The following CAPRIN2 variants were observed in gnomAD, a reference collection of about 807,000 sequenced individuals.
CAPRIN2 encodes caprin-2.
A neutral mutation model predicts 130.4 loss-of-function variants in CAPRIN2; 66 were observed. The observed-to-expected ratio is 0.51, with a 90% confidence interval of 0.42 to 0.62. The LOEUF (loss-of-function observed/expected upper bound fraction) is 0.62. Among genes scored for constraint, CAPRIN2 ranks in the 20% least tolerant of loss-of-function variants. The pLI is 0.00. For missense variants in CAPRIN2, 1,185 were observed against 1,246.6 expected (o/e 0.95, Z 0.74); for synonymous variants, 471 against 444.1 (o/e 1.06, Z -0.76).
At position 30,711,559 on chromosome 12, in the gene CAPRIN2, C is replaced by T. The variant is rs1483803959; in HGVS notation, c.2665+7G>A. On this transcript the variant is annotated splice_region_variant and intron_variant, in intron 16 of 16. Coordinates refer to ENST00000298892, the Ensembl canonical transcript of CAPRIN2. ...GGTAAGAAAACTATTCAGCTAATTA[C>T]CCTTACCTCTCGAATTTGCTCGTGG... 1.2e-6 allele frequency: 2 copies of T among 1,608,498 alleles called. No homozygotes were observed. Among genetic ancestry groups the T allele is most frequent in the Non-Finnish European group, 1.7e-6 (2 of 1,174,860 alleles).
At chr12:30,751,110 A>T (rs960734816) in exon 2 of CAPRIN2, 1 of 1,613,756 alleles carries the variant, frequency 6.2e-7, no homozygotes, top group Non-Finnish European at 8.5e-7. Context: ...TTTTCAGGCG[A>T]TCCTTATAAT....
At chr12:30,752,674 A>G (rs1333955029) in intron 1 of CAPRIN2, among the ~76,000 whole-genome samples, 1 of 152,166 alleles carries the variant, frequency 6.6e-6, no homozygotes, top group East Asian at 1.9e-4. Flanking sequence ...GCACAAAAGT[A>G]CTTAACAACA....
Position 30,719,448 on chromosome 12 carries a change from CAAT to C in CAPRIN2, c.2148+1360_2148+1362del, listed in dbSNP as rs2058693318. 14 of 519,952 alleles carry C rather than the reference CAAT, an allele frequency of 2.7e-5. No individual in the cohort carries two copies. The South Asian group carries it at 3.6e-4, about 13-fold the overall frequency. The allele number at this position is 519,952 out of a possible 1,614,324, so 32.2% of individuals were successfully genotyped here. The stretch of plus-strand genomic sequence containing the variant: ...TGCTGACTAAGTGAAAGAGTCTTAC[CAAT>C]AATCAGTCTAACAGATGAGGGGCTG... On this transcript the variant is annotated intron_variant, in intron 12 of 16. Transcript: ENST00000298892.
At chr12:30,718,060 T>C (rs755775831) in intron 12 of CAPRIN2, among the ~76,000 whole-genome samples, 1 of 152,154 alleles carries the variant, frequency 6.6e-6, no homozygotes, top group African/African-American at 2.4e-5. Context: ...AGAAAACAGA[T>C]TGGCATGAGC....
exon 8 of CAPRIN2, chr12:30,729,115 A>G: frequency 6.2e-7 from 1 of 1,614,014 alleles, no homozygotes; most frequent in Non-Finnish European, 8.5e-7. Context: ...CTCTGTTCTA[A>G]GGAAACTGCA....
At chr12:30,749,392 C>G (rs755703006) in intron 2 of CAPRIN2, among the ~76,000 whole-genome samples, 1 of 152,162 alleles carries the variant, frequency 6.6e-6, no homozygotes, top group Non-Finnish European at 1.5e-5. Flanking sequence ...AGTACAGGAT[C>G]ACTGAGTTTA....
At chr12:30,749,572 G>A (rs1286573983) in intron 2 of CAPRIN2, among the ~76,000 whole-genome samples, 1 of 152,210 alleles carries the variant, frequency 6.6e-6, no homozygotes, top group Non-Finnish European at 1.5e-5. Flanking sequence ...ACTTGCTGAT[G>A]AGCTAGATGT....
intron 2 of CAPRIN2, among the ~76,000 whole-genome samples, chr12:30,741,668 T>C (rs545139164): frequency 5.9e-5 from 9 of 152,226 alleles, no homozygotes; most frequent in South Asian, 2.1e-4. Flanking sequence ...GGGCATTTCA[T>C]GGGACTTTAA....
In CAPRIN2 at chr12:30,730,355, C is replaced by A. The variant is rs779176236; in HGVS notation, c.1061-73G>T. On this transcript the variant is annotated intron_variant, in intron 6 of 16. Coordinates refer to ENST00000298892, the Ensembl canonical transcript of CAPRIN2. ...TTTTAGACAGATTACAACTATAATT[C>A]ATTCTAGCAACATATTTCAGAAGAC... The A allele has an allele frequency of 4.9e-6, 5 of 1,026,292 alleles. No individual in the cohort carries two copies. The Admixed American group carries it at 5.4e-5, about 11-fold the overall frequency. The allele number at this position is 1,026,292 out of a possible 1,614,324, so 63.6% of individuals were successfully genotyped here.
At chr12:30,751,271 G>C in intron 1 of CAPRIN2, 138 bp from the exon 3 acceptor site, 2 of 681,060 alleles carry the variant, frequency 2.9e-6, no homozygotes, top group South Asian at 3.3e-5. Flanking sequence ...TTTACTATAC[G>C]GCATGCAGCA....
At chr12:30,726,998 A>G (rs548353382) in intron 8 of CAPRIN2, among the ~76,000 whole-genome samples, 89 of 152,282 alleles carry the variant, frequency 5.8e-4, no homozygotes, top group African/African-American at 2.1e-3. Flanking sequence ...TACAACTTCA[A>G]TATAACGCTA....
At position 30,733,714 on chromosome 12, in the gene CAPRIN2, G is replaced by T; in HGVS notation, c.810-3C>A. On this transcript the variant is annotated splice_region_variant and splice_polypyrimidine_tract_variant and intron_variant, in intron 4 of 16. Transcript: ENST00000298892. ...ACTGCTCCATCTGGTCTTCAACACT[G>T]ACAAGGAAAAGCAGCAGCAGAACAA... 1 of 1,611,446 alleles carries T rather than the reference G, an allele frequency of 6.2e-7. No homozygotes were observed. The highest frequency in any genetic ancestry group is 8.5e-7 in the Non-Finnish European group (1 of 1,177,680).
chr12:30,709,610 GCAGT>G (rs2053661583), exon 17 of CAPRIN2: 1 of 246,222 alleles, frequency 4.1e-6, no homozygotes, highest in Non-Finnish European at 7.9e-6. Flanking sequence ...TGGACTTGAG[GCAGT>G]CAGTTTAGTA....
chr12:30,730,403 T>A, intron 6 of CAPRIN2, 121 bp from the exon 8 acceptor site: 1 of 702,408 alleles, frequency 1.4e-6, no homozygotes, highest in Non-Finnish European at 2.5e-6. Context: ...AAGGGTAATA[T>A]AATCAAGTAT....
intron 4 of CAPRIN2, 23 bp from the exon 6 acceptor site, chr12:30,733,734 G>C: frequency 6.4e-7 from 1 of 1,562,932 alleles, no homozygotes; most frequent in Non-Finnish European, 8.8e-7. Flanking sequence ...AGCAGCAGCA[G>C]AACAAAGTGG....
intron 12 of CAPRIN2, chr12:30,719,435 GA>G (rs1210924761): frequency 1.8e-6 from 1 of 548,916 alleles, no homozygotes; most frequent in Non-Finnish European, 3.2e-6. Context: ...CTGACTAAGT[GA>G]AAGAGTCTTA....
At chr12:30,713,876 G>T (rs762311660) in exon 15 of CAPRIN2, 1 of 1,584,516 alleles carries the variant, frequency 6.3e-7, no homozygotes, top group Non-Finnish European at 8.7e-7. Flanking sequence ...TCCTCTATAA[G>T]TATCAAAACC....
intron 4 of CAPRIN2, among the ~76,000 whole-genome samples, chr12:30,734,178 C>T (rs905984214): frequency 2.0e-5 from 3 of 152,180 alleles, no homozygotes; most frequent in African/African-American, 4.8e-5. Flanking sequence ...TAGATGATGA[C>T]GATGGAGTAG....
intron 15 of CAPRIN2, among the ~76,000 whole-genome samples, chr12:30,712,342 T>C (rs922476425): frequency 6.6e-6 from 1 of 152,204 alleles, no homozygotes; most frequent in African/African-American, 2.4e-5. Flanking sequence ...CAATAGCAAC[T>C]AGCATTATCA....
Sources: allele counts gnomAD v4.1 joint callset (sites outside exome capture counted in the v4.1 genomes callset), GRCh38; gene constraint gnomAD v4.1.1; transcripts MANE v1.5; gene names NCBI Gene and HGNC (gene_info 2026-07-23, HGNC 2026-07-21).